The following SPTAN1 variants were observed in gnomAD, a reference collection of about 807,000 sequenced individuals.
The protein encoded by SPTAN1 is spectrin alpha chain, non-erythrocytic 1.
SPTAN1 carries 61 observed loss-of-function variants against 331.3 expected under a neutral mutation model. The ratio of observed to expected loss-of-function variants is 0.18; its 90% CI spans 0.15 to 0.23. The LOEUF is 0.23. SPTAN1 is among the 10% of genes least tolerant of loss of function. The pLI is 1.00. For synonymous variants in SPTAN1, 1,153 were observed against 1,173.9 expected, an observed-to-expected ratio of 0.98 and a Z score of 0.36; for missense variants, 2,043 against 3,147.9, an observed-to-expected ratio of 0.65 and a Z score of 8.40.
At chr9:128,570,209 CAAGT>C (rs1850486897) in intron 3 of SPTAN1, among the ~76,000 whole-genome samples, 1 of 150,766 alleles carries the variant, frequency 6.6e-6, no homozygotes, top group African/African-American at 2.4e-5. Flanking sequence ...GGACAGAGAT[CAAGT>C]GTTTGGCTTC....
At chr9:128,563,468 A>G (rs927713154) in intron 1 of SPTAN1, among the ~76,000 whole-genome samples, 3 of 152,194 alleles carry the variant, frequency 2.0e-5, no homozygotes, top group Admixed American at 1.3e-4. Context: ...CATGTGGTCA[A>G]TCCAAGATTG....
intron 41 of SPTAN1, among the ~76,000 whole-genome samples, chr9:128,616,972 T>C (rs572614457): frequency 1.3e-5 from 2 of 152,198 alleles, no homozygotes; most frequent in East Asian, 3.9e-4. Context: ...GTGTGGTGGC[T>C]CACGCCTATA....
At chr9:128,588,392 A>G (rs918405603) in intron 20 of SPTAN1, among the ~76,000 whole-genome samples, 13 of 136,026 alleles carry the variant, frequency 9.6e-5, no homozygotes, top group Non-Finnish European at 1.7e-4. Context: ...GCTCACCGCA[A>G]CCTCCGCCTC....
intron 27 of SPTAN1, among the ~76,000 whole-genome samples, chr9:128,602,918 G>C (rs1292179815): frequency 6.6e-6 from 1 of 152,202 alleles, no homozygotes; most frequent in Non-Finnish European, 1.5e-5. Flanking sequence ...TTACAGGCGT[G>C]AGCCAGCATG....
At position 128,632,222 on chromosome 9, in the gene SPTAN1, G is replaced by C; in HGVS notation, c.6858G>C (p.Lys2286Asn). The C allele has an allele frequency of 6.2e-7, 1 of 1,613,540 alleles. No homozygotes were observed. Among genetic ancestry groups the C allele is most frequent in the Non-Finnish European group, 8.5e-7 (1 of 1,180,026 alleles). ...AMEEALILDN[K>N]YTEHSTVGLA... ...AGGAGGCCCTCATCCTGGACAACAA[G>C]TACACGGAGCACAGCACCGTGGGCC... The change falls in exon 53 of 57, where the codon AAG becomes AAC. Residue 2286 changes from lysine (K) to asparagine (N), a missense_variant. By Grantham distance (94) the Lys-to-Asn change is moderately conservative. Around this residue, in one of 12 missense-constraint regions of SPTAN1, gnomAD observed 256 missense variants for 376.4 expected, o/e 0.68. Coordinates refer to ENST00000372739, the MANE Select transcript of SPTAN1 (RefSeq NM_001130438.3).
At chr9:128,568,068 T>A (rs533790991) in intron 2 of SPTAN1, among the ~76,000 whole-genome samples, 2,774 of 152,280 alleles carry the variant, frequency 0.018, 80 homozygotes, top group African/African-American at 0.062. Context: ...GGCCAAAACT[T>A]TTTTTATAAA....
chr9:128,630,553 A>C, intron 52 of SPTAN1, 178 bp downstream of exon 52: 2 of 614,964 alleles, frequency 3.3e-6, no homozygotes, highest in Non-Finnish European at 2.9e-6. Flanking sequence ...TTCTTTCTTC[A>C]TGGAATCTCT....
rs1851484043 is a variant in SPTAN1 at position 128,577,878 on chromosome 9, G to C, written c.1086-232G>C. Among the ~76,000 whole-genome samples, 1 of 55,296 alleles carries C rather than the reference G, an allele frequency of 1.8e-5. No homozygotes were observed. The highest frequency in any genetic ancestry group is 3.8e-5 in the African/African-American group (1 of 26,664). 36.3% of individuals were successfully genotyped at this position (55,296 alleles called of 152,430 possible). ...AATAACAAGGAAGTTGAAAATGTGG[G>C]ACAGGATTGGGGCATTATAGTGATG... On this transcript the variant is annotated intron_variant, in intron 8 of 56. Coordinates refer to ENST00000372739, the MANE Select transcript of SPTAN1 (RefSeq NM_001130438.3). This position sits in a 1 kb window ranked among gnomAD's most constrained non-coding sequence, Gnocchi z 4.2.
chr9:128,612,296 TG>T, intron 39 of SPTAN1, 50 bp downstream of exon 39: 1 of 1,613,394 alleles, frequency 6.2e-7, no homozygotes, highest in African/African-American at 1.3e-5. Context: ...TCTAGTCATT[TG>T]GCACAGTGGG....
chr9:128,607,205 C>T (rs1002861321), intron 31 of SPTAN1, among the ~76,000 whole-genome samples: 5 of 151,546 alleles, frequency 3.3e-5, no homozygotes, highest in African/African-American at 1.2e-4. Flanking sequence ...GGTTGCACCA[C>T]ATTGCCCAAA....
intron 27 of SPTAN1, among the ~76,000 whole-genome samples, chr9:128,602,276 A>T (rs1589285764): frequency 6.7e-6 from 1 of 148,754 alleles, no homozygotes; most frequent in Non-Finnish European, 1.5e-5. Flanking sequence ...GAGTGCAGTA[A>T]CGTGATCTCA....
rs1465932437 is a variant in SPTAN1, at chr9:128,617,736, G to A, written c.5454G>A (p.Leu1818=). 1 of 1,614,038 alleles carries A rather than the reference G, an allele frequency of 6.2e-7. No homozygotes were observed. Among genetic ancestry groups the A allele is most frequent in the Non-Finnish European group, 8.5e-7 (1 of 1,180,042 alleles). ...AGCACAAGCGGCTGGAAGCAGAACT[G>A]GCTGCGCATGAGCCGGCTATTCAGG... ...RKKHKRLEAE[L]AAHEPAIQGV... Residue 1818 remains leucine (L), a synonymous_variant, in exon 42 of 57, where the codon CTG becomes CTA. Coordinates refer to ENST00000372739, the MANE Select transcript of SPTAN1 (RefSeq NM_001130438.3).
At chr9:128,583,004 G>A in intron 14 of SPTAN1, 73 bp from the exon 15 acceptor site, 2 of 1,572,914 alleles carry the variant, frequency 1.3e-6, no homozygotes, top group Non-Finnish European at 1.7e-6. Flanking sequence ...ATAAAGATAA[G>A]TATGAAGGTA....
At chr9:128,553,560 C>T (rs1848355271) in intron 1 of SPTAN1, among the ~76,000 whole-genome samples, 1 of 152,128 alleles carries the variant, frequency 6.6e-6, no homozygotes, top group South Asian at 2.1e-4. Flanking sequence ...GACGCTTCCC[C>T]TAGAACATCG....
intron 29 of SPTAN1, 112 bp downstream of exon 29, chr9:128,604,529 GTT>G: frequency 9.5e-7 from 1 of 1,051,102 alleles, no homozygotes. Flanking sequence ...TCTTACTGAT[GTT>G]TATTTGTGAC....
In SPTAN1 at chr9:128,598,462, T is replaced by G. The variant is rs1854609346; in HGVS notation, c.3477T>G (p.Ser1159=). The change falls in exon 25 of 57, where the codon TCT becomes TCG. Residue 1159 remains serine, a synonymous_variant. Coordinates refer to ENST00000372739, the MANE Select transcript of SPTAN1 (RefSeq NM_001130438.3). ...ACAAGGTAGCTGAAGACCTGGAGTC[T>G]GAAGGTCTCATGGCAGAGGAGGTGC... ...DINKVAEDLE[S]EGLMAEEVQA... is the part of the protein sequence containing the mutation. The G allele has an allele frequency of 1.2e-6, 2 of 1,613,228 alleles. No homozygotes were observed. Among genetic ancestry groups the G allele is most frequent in the Non-Finnish European group, 1.7e-6 (2 of 1,179,720 alleles).
rs373012192 is a variant in SPTAN1, at chr9:128,580,908, C to G, written c.1324-14C>G. 1 of 1,612,238 alleles carries G rather than the reference C, an allele frequency of 6.2e-7. No individual in the cohort carries two copies. Among genetic ancestry groups the G allele is most frequent in the African/African-American group, 1.3e-5 (1 of 74,866 alleles). ...TGACCTCATCTCCCTGACCATGTCT[C>G]CTATGCCCCCAAGCTGACCGTCCTT... On this transcript the variant is annotated splice_polypyrimidine_tract_variant and intron_variant, in intron 10 of 56. Transcript: ENST00000372739.
At chr9:128,608,507 G>A (rs146659590) in intron 34 of SPTAN1, among the ~76,000 whole-genome samples, 5 of 152,294 alleles carry the variant, frequency 3.3e-5, no homozygotes, top group African/African-American at 4.8e-5. Flanking sequence ...AAATGTGTGG[G>A]TAGGTAAGGG....
chr9:128,609,069 C>G (rs1403936375), intron 35 of SPTAN1, 53 bp from the exon 36 acceptor site: 27 of 1,614,060 alleles, frequency 1.7e-5, no homozygotes, highest in Middle Eastern at 1.6e-4. Flanking sequence ...TCCCCACTTC[C>G]TTCTCCACGG....
Sources: allele counts gnomAD v4.1 joint callset (sites outside exome capture counted in the v4.1 genomes callset), GRCh38; gene constraint gnomAD v4.1.1; regional missense constraint gnomAD v4.1.1; non-coding constraint Gnocchi (gnomAD v3.1); transcripts MANE v1.5; gene names NCBI Gene and HGNC (gene_info 2026-07-23, HGNC 2026-07-21).